The following MAN1A1 variants were observed in gnomAD, a reference collection of about 807,000 sequenced individuals.
MAN1A1 encodes mannosyl-oligosaccharide 1,2-alpha-mannosidase IA.
MAN1A1 carries 29 observed loss-of-function variants against 70.8 expected under a neutral mutation model. The ratio of observed to expected loss-of-function variants is 0.41; its 90% CI spans 0.31 to 0.56. The LOEUF (loss-of-function observed/expected upper bound fraction) is 0.56. Among genes scored for constraint, MAN1A1 ranks in the 20% least tolerant of loss-of-function variants. The probability of loss-of-function intolerance (pLI) is 0.29; values close to 1 mark genes in which losing one functional copy is unlikely to be tolerated. For missense variants in MAN1A1, 747 were observed against 841.3 expected (o/e 0.89, Z 1.39); for synonymous variants, 349 against 330.1 (o/e 1.06, Z -0.62).
chr6:119,288,824 A>G (rs770984307), intron 5 of MAN1A1, among the ~76,000 whole-genome samples: 1 of 151,914 alleles, frequency 6.6e-6, no homozygotes, highest in Non-Finnish European at 1.5e-5. Flanking sequence ...AGAAAAATAA[A>G]AGAAAAAATC....
intron 6 of MAN1A1, among the ~76,000 whole-genome samples, chr6:119,235,090 T>G (rs1231251964): frequency 1.3e-5 from 2 of 152,210 alleles, no homozygotes; most frequent in Non-Finnish European, 2.9e-5. Flanking sequence ...CTGTTTCGCA[T>G]TTCTCTTCCT....
At chr6:119,326,083 C>G (rs190365579) in intron 2 of MAN1A1, among the ~76,000 whole-genome samples, 1 of 152,264 alleles carries the variant, frequency 6.6e-6, no homozygotes, top group African/African-American at 2.4e-5. Flanking sequence ...GGATGAATGG[C>G]AGATAGCTGA....
At chr6:119,180,517 A>G (rs1392087291) in intron 11 of MAN1A1, 90 bp from the exon 12 acceptor site, 1 of 720,912 alleles carries the variant, frequency 1.4e-6, no homozygotes, top group Non-Finnish European at 2.3e-6. Flanking sequence ...TTCAGATAAA[A>G]CATTTTTTTT....
chr6:119,213,706 AAAAAG>A (rs1174413328), intron 6 of MAN1A1, among the ~76,000 whole-genome samples: 1 of 152,202 alleles, frequency 6.6e-6, no homozygotes. Context: ...GCGCTCCCTC[AAAAAG>A]ATAGTTACAT....
At chr6:119,343,999 A>G (rs561891590) in intron 2 of MAN1A1, among the ~76,000 whole-genome samples, 1 of 152,248 alleles carries the variant, frequency 6.6e-6, no homozygotes, top group South Asian at 2.1e-4. Flanking sequence ...AATTTGTACC[A>G]CCACAGCTTA....
At chr6:119,201,373 G>C (rs139706370) in intron 7 of MAN1A1, 26 bp from the exon 8 acceptor site, 3 of 1,516,470 alleles carry the variant, frequency 2.0e-6, no homozygotes, top group Non-Finnish European at 2.7e-6. Flanking sequence ...AAATGTTACC[G>C]TGAAAATCTA....
chr6:119,332,513 AG>A (rs1773346479), intron 2 of MAN1A1, among the ~76,000 whole-genome samples: 1 of 152,222 alleles, frequency 6.6e-6, no homozygotes, highest in African/African-American at 2.4e-5. Flanking sequence ...GGAAATTAAT[AG>A]CTGAGGTTTA....
chr6:119,260,001 A>T (rs928975015), intron 5 of MAN1A1, among the ~76,000 whole-genome samples: 7 of 152,130 alleles, frequency 4.6e-5, no homozygotes, highest in Non-Finnish European at 1.5e-5. Context: ...TTAAAAAAAG[A>T]TATTGTTCTA....
At chr6:119,270,510 C>T (rs1385488461) in intron 5 of MAN1A1, among the ~76,000 whole-genome samples, 1 of 152,148 alleles carries the variant, frequency 6.6e-6, no homozygotes, top group African/African-American at 2.4e-5. Flanking sequence ...CATCAGCAGT[C>T]ACTCCCCATT....
chr6:119,306,995 GAA>G lies in MAN1A1; in HGVS notation c.604-5_604-4del. Reference sequence around the variant, plus strand: ...TTATTCCAAGCATGTTTCATCATCTGAAAAAAAAAATAAAAACAGGATTATAA... The same window carrying G: ...TTATTCCAAGCATGTTTCATCATCTGAAAAAAAATAAAAACAGGATTATAA... On this transcript the variant is annotated splice_region_variant and splice_polypyrimidine_tract_variant and intron_variant, in intron 2 of 12. Coordinates refer to ENST00000368468, the MANE Select transcript of MAN1A1 (RefSeq NM_005907.4). 6 of 1,393,090 alleles carry G rather than the reference GAA, an allele frequency of 4.3e-6. No homozygotes were observed. Among genetic ancestry groups the G allele is most frequent in the South Asian group, 1.3e-5 (1 of 75,552 alleles). 86.3% of individuals were successfully genotyped at this position (1,393,090 alleles called of 1,614,324 possible). A position where few individuals can be genotyped will look rare whatever the true frequency, so the allele number is the denominator to read the frequency against.
chr6:119,316,241 G>A (rs1772850870), intron 2 of MAN1A1, among the ~76,000 whole-genome samples: 1 of 146,078 alleles, frequency 6.8e-6, no homozygotes, highest in African/African-American at 2.5e-5. Context: ...GCAGTGGCGC[G>A]ATCTTGGCTC....
chr6:119,330,139 ATCT>A (rs1221551952), intron 2 of MAN1A1, among the ~76,000 whole-genome samples: 1 of 152,036 alleles, frequency 6.6e-6, no homozygotes, highest in Non-Finnish European at 1.5e-5. Context: ...TCCCTAATAG[ATCT>A]TATTTATTTC....
At chr6:119,308,847 C>T (rs1319327634) in intron 2 of MAN1A1, among the ~76,000 whole-genome samples, 2 of 152,028 alleles carry the variant, frequency 1.3e-5, no homozygotes, top group African/African-American at 4.8e-5. Context: ...ATATACTGAA[C>T]ATCAAAACAG....
intron 5 of MAN1A1, among the ~76,000 whole-genome samples, chr6:119,263,410 C>T (rs953915493): frequency 6.6e-6 from 1 of 151,962 alleles, no homozygotes; most frequent in Non-Finnish European, 1.5e-5. Flanking sequence ...AATAGAAAAC[C>T]AAACACCGCA....
chr6:119,248,000 A>G (rs1775214754), intron 6 of MAN1A1, among the ~76,000 whole-genome samples: 1 of 152,200 alleles, frequency 6.6e-6, no homozygotes, highest in Non-Finnish European at 1.5e-5. Flanking sequence ...CAAAGTCACT[A>G]TGAAACAGTG....
intron 11 of MAN1A1, among the ~76,000 whole-genome samples, chr6:119,187,331 C>A (rs1773318118): frequency 6.6e-6 from 1 of 152,014 alleles, no homozygotes; most frequent in Admixed American, 6.5e-5. Flanking sequence ...TCCCTATCAC[C>A]AAAGTTTAGA....
chr6:119,335,707 AGGACAT>A (rs1773433062), intron 2 of MAN1A1, among the ~76,000 whole-genome samples: 1 of 152,216 alleles, frequency 6.6e-6, no homozygotes. Flanking sequence ...GGGCTTCATG[AGGACAT>A]GGATTTTGAG....
At chr6:119,340,364 C>T (rs1773566015) in intron 2 of MAN1A1, among the ~76,000 whole-genome samples, 1 of 152,138 alleles carries the variant, frequency 6.6e-6, no homozygotes, top group Non-Finnish European at 1.5e-5. Flanking sequence ...GACATGCCAC[C>T]CCCAGTGTAG....
At position 119,348,552 on chromosome 6, in the gene MAN1A1, G is replaced by A; in HGVS notation, c.514C>T (p.Pro172Ser). The part of the protein sequence containing the change: ...LRDKAPFRGL[P>S]PVDFVPPIGV... Reference sequence around the variant, plus strand: ...ATTGGGGGCACGAAGTCCACCGGGGGCAGGCCTCTGAACGGCGCCTTGTCA... The same window carrying A: ...ATTGGGGGCACGAAGTCCACCGGGGACAGGCCTCTGAACGGCGCCTTGTCA... Residue 172 changes from proline to serine, a missense_variant, in exon 2 of 13, where the codon CCC (proline) becomes TCC (serine). Around this residue, in one of 2 missense-constraint regions of MAN1A1, gnomAD observed 328 missense variants for 293.1 expected, o/e 1.12. Transcript: ENST00000368468. The A allele has an allele frequency of 1.2e-6, 2 of 1,613,336 alleles. No homozygotes were observed. Among genetic ancestry groups the A allele is most frequent in the Non-Finnish European group, 1.7e-6 (2 of 1,179,692 alleles).
Sources: gnomAD v4.1 joint callset for allele counts (sites outside exome capture counted in the v4.1 genomes callset) on GRCh38, gnomAD v4.1.1 for gene constraint, gnomAD v4.1.1 regional missense constraint, MANE v1.5 for transcripts, NCBI Gene and HGNC (gene_info 2026-07-23, HGNC 2026-07-21) for gene names.